Variants in APOBEC3H observed in about 807,000 individuals in gnomAD.
The protein encoded by APOBEC3H is DNA dC->dU-editing enzyme APOBEC-3H.
Under a neutral mutation model 21.2 loss-of-function variants are expected in APOBEC3H, and 8 were observed. That is an observed-to-expected ratio of 0.38 (90% confidence interval 0.22 to 0.68). The LOEUF (loss-of-function observed/expected upper bound fraction) is 0.68, where lower values mean the gene tolerates loss of function less well. Ranked by LOEUF, APOBEC3H falls within the 30% of genes least tolerant of loss-of-function variation. APOBEC3H has a pLI of 0.52. For synonymous variants in APOBEC3H, 88 were observed against 91.0 expected, an observed-to-expected ratio of 0.97 and a Z score of 0.19; for missense variants, 229 against 228.1, an observed-to-expected ratio of 1.00 and a Z score of -0.03.
In APOBEC3H at chr22:39,101,805, C is replaced by T. The variant is rs901787507; in HGVS notation, c.419-113C>T. The stretch of plus-strand genomic sequence containing the variant: ...ACACCACCCGGGAGGGAGAATTCCC[C>T]AGACAGAGCAATGTCCAGGGAGAGG... On this transcript the variant is annotated intron_variant, in intron 3 of 4. Transcript: ENST00000442487. 7.0e-5 allele frequency: 106 copies of T among 1,523,334 alleles called. No individual in the cohort carries two copies. The East Asian group carries it at 2.4e-3, about 34-fold the overall frequency. The allele number at this position is 1,523,334 out of a possible 1,614,324, so 94.4% of individuals were successfully genotyped here.
intron 1 of APOBEC3H, among the ~76,000 whole-genome samples, chr22:39,100,051 T>C (rs1204110104): frequency 6.6e-6 from 1 of 152,168 alleles, no homozygotes; most frequent in African/African-American, 2.4e-5. Context: ...CAGGCATCTG[T>C]AATCCCAGCT....
In APOBEC3H at chr22:39,098,895, G is replaced by A. The variant is rs1018033778; in HGVS notation, c.-7-1377G>A. Among the ~76,000 whole-genome samples the A allele has an allele frequency of 2.0e-5, 3 of 152,234 alleles. No individual in the cohort carries two copies. In the East Asian group the frequency reaches 5.8e-4, roughly 29 times the overall value. ...GCCCTCGGGGAGACAGGAGGTGAGC[G>A]CATGGGTCACAATCCTGGCGGGGCG... is the stretch of plus-strand genomic sequence containing the variant. On this transcript the variant is annotated intron_variant, in intron 1 of 4. Coordinates refer to ENST00000442487, the MANE Select transcript of APOBEC3H (RefSeq NM_181773.5).
chr22:39,101,788 C>T (rs940400436), intron 3 of APOBEC3H, 130 bp from the exon 4 acceptor site: 44 of 1,437,988 alleles, frequency 3.1e-5, no homozygotes, highest in Middle Eastern at 2.3e-4. Context: ...TGACACCACC[C>T]GGGAGGGAGA....
chr22:39,102,428 G>T (rs1929420602), intron 4 of APOBEC3H: 1 of 712,878 alleles, frequency 1.4e-6, no homozygotes, highest in Admixed American at 2.0e-5. Context: ...GGGATTACAG[G>T]TGTGAGCCAC....
intron 2 of APOBEC3H, 102 bp from the exon 3 acceptor site, chr22:39,101,135 T>TCC: frequency 9.8e-6 from 4 of 406,218 alleles, no homozygotes; most frequent in South Asian, 2.1e-5. Flanking sequence ...CAGACCCCTC[T>TCC]GCCCCCCCAT....
intron 4 of APOBEC3H, chr22:39,102,420 G>T (rs1184971448): frequency 1.4e-6 from 1 of 709,626 alleles, no homozygotes; most frequent in African/African-American, 1.8e-5. Context: ...AAAGTGCTGG[G>T]ATTACAGGTG....
At chr22:39,100,835 C>G (rs2146319049) in intron 2 of APOBEC3H, among the ~76,000 whole-genome samples, 1 of 152,184 alleles carries the variant, frequency 6.6e-6, no homozygotes, top group Middle Eastern at 3.4e-3. Context: ...CGCCTCCCCG[C>G]CCCCCGCCCC....
intron 3 of APOBEC3H, 141 bp downstream of exon 3, chr22:39,101,645 GCGGGTTGGAGGAGGTTGGC>G (rs1929352676): frequency 2.6e-4 from 30 of 116,372 alleles, no homozygotes; most frequent in South Asian, 6.9e-4. Context: ...GGGGGTGGGG[GCGGGTTGGAGGAGGTTGGC>G]GGGGGGCGGG....
chr22:39,098,875 C>G (rs955991981), intron 1 of APOBEC3H, among the ~76,000 whole-genome samples: 2 of 152,104 alleles, frequency 1.3e-5, no homozygotes, highest in African/African-American at 4.8e-5. Flanking sequence ...CTCAGGCCCT[C>G]GGGGAGACAG....
At chr22:39,102,471 T>C in intron 4 of APOBEC3H, 1 of 706,540 alleles carries the variant, frequency 1.4e-6, no homozygotes, top group South Asian at 1.5e-5. Context: ...TTCTTTTTTG[T>C]GTTCTCCTCT....
At chr22:39,101,864 T>C (rs1601538872) in intron 3 of APOBEC3H, 54 bp from the exon 4 acceptor site, 2 of 1,613,352 alleles carry the variant, frequency 1.2e-6, no homozygotes, top group East Asian at 2.2e-5. Flanking sequence ...CAAGAGCTCC[T>C]GGCACTGCAG....
At chr22:39,103,615 C>T in intron 4 of APOBEC3H, 74 bp from the exon 5 acceptor site, 1 of 1,506,964 alleles carries the variant, frequency 6.6e-7, no homozygotes, top group Non-Finnish European at 9.2e-7. Flanking sequence ...TGATCTCATC[C>T]TCACCTCTCC....
At chr22:39,098,035 G>A (rs1204115433) in intron 1 of APOBEC3H, among the ~76,000 whole-genome samples, 2 of 152,312 alleles carry the variant, frequency 1.3e-5, no homozygotes, top group East Asian at 1.9e-4. Context: ...TGCAGGGCCC[G>A]TGATGCAGAG....
intron 4 of APOBEC3H, chr22:39,102,505 CT>C (rs1929426264): frequency 1.4e-6 from 1 of 718,020 alleles, no homozygotes; most frequent in Non-Finnish European, 2.6e-6. Flanking sequence ...CCTTCTTGTT[CT>C]TTTAGATTCC....
Position 39,100,352 on chromosome 22 carries a change from C to T in APOBEC3H, c.74C>T (p.Pro25Leu), listed in dbSNP as rs142563386. Residue 25 changes from proline to leucine, a missense_variant, in exon 2 of 5, where the codon CCG (proline) becomes CTG (leucine). Coordinates refer to ENST00000442487, the MANE Select transcript of APOBEC3H (RefSeq NM_181773.5). ...NKRRLRRPYY[P>L]RKALLCYQLT... The stretch of plus-strand genomic sequence containing the variant: ...CGCCGCCTCAGAAGGCCTTACTACC[C>T]GAGGAAGGCCCTCTTGTGTTACCAG... 2.7e-5 allele frequency: 43 copies of T among 1,613,958 alleles called. No homozygotes were observed. Among genetic ancestry groups the T allele is most frequent in the Middle Eastern group, 3.3e-4 (2 of 6,080 alleles).
chr22:39,100,377 G>A lies in APOBEC3H; in HGVS notation c.99G>A (p.Gln33=), dbSNP rs1323767303. ...YYPRKALLCY[Q]LTPQNGSTPT... ...CGAGGAAGGCCCTCTTGTGTTACCAGCTGACGCCGCAGAATGGCTCCACGC... is the reference window on the plus strand; with the variant it reads ...CGAGGAAGGCCCTCTTGTGTTACCAACTGACGCCGCAGAATGGCTCCACGC... Residue 33 remains glutamine, a synonymous_variant, in exon 2 of 5, where the codon CAG becomes CAA. Transcript: ENST00000442487. 4 of 1,614,010 alleles carry A rather than the reference G, an allele frequency of 2.5e-6. No homozygotes were observed. Among genetic ancestry groups the A allele is most frequent in the African/African-American group, 2.7e-5 (2 of 74,906 alleles).
At chr22:39,101,831 A>G in intron 3 of APOBEC3H, 87 bp from the exon 4 acceptor site, 1 of 1,592,874 alleles carries the variant, frequency 6.3e-7, no homozygotes, top group South Asian at 1.1e-5. Flanking sequence ...CAGGGAGAGG[A>G]AGAGAAGAGA....
Position 39,103,745 on chromosome 22 carries a change from C to A in APOBEC3H, c.*48C>A, listed in dbSNP as rs975231754. 4 of 1,608,448 alleles carry A rather than the reference C, an allele frequency of 2.5e-6. No homozygotes were observed. The East Asian group carries it at 8.9e-5, about 36-fold the overall frequency. ...ACTTAAGAAGTTTGCAGCTTGGACC[C>A]GTATCCCACTCATTATCAAGAAGCA... On this transcript the variant is annotated 3_prime_UTR_variant, in exon 5 of 5. Coordinates refer to ENST00000442487, the MANE Select transcript of APOBEC3H (RefSeq NM_181773.5).
At chr22:39,102,827 G>A (rs1929447537) in intron 4 of APOBEC3H, among the ~76,000 whole-genome samples, 1 of 151,816 alleles carries the variant, frequency 6.6e-6, no homozygotes, top group African/African-American at 2.4e-5. Flanking sequence ...GTGAAACCCT[G>A]TTTCTGCACC....
Sources: gnomAD v4.1 joint callset for allele counts (sites outside exome capture counted in the v4.1 genomes callset) on GRCh38, gnomAD v4.1.1 for gene constraint, MANE v1.5 for transcripts, NCBI Gene and HGNC (gene_info 2026-07-23, HGNC 2026-07-21) for gene names.